The following LRMDA variants were observed in gnomAD, a reference collection of about 807,000 sequenced individuals.
The protein encoded by LRMDA is leucine rich melanocyte differentiation associated, also known as leucine-rich melanocyte differentiation-associated protein.
A neutral mutation model predicts 29.8 loss-of-function variants in LRMDA; 18 were observed. The observed-to-expected ratio is 0.60, with a 90% CI of 0.42 to 0.90. The LOEUF is 0.90. Ranked by LOEUF, LRMDA falls within the 40% of genes least tolerant of loss-of-function variation. LRMDA has a pLI of 0.00. For synonymous variants in LRMDA, 125 were observed against 109.4 expected (o/e 1.14, Z -0.89); for missense variants, 273 against 273.9 (o/e 1.00, Z 0.02).
At chr10:75,652,469 A>T (rs1316096426) in intron 2 of LRMDA, among the ~76,000 whole-genome samples, 1 of 152,250 alleles carries the variant, frequency 6.6e-6, no homozygotes, top group Admixed American at 6.5e-5. Flanking sequence ...TGACTATATC[A>T]CAGTGCTTTG....
At chr10:76,400,952 A>G (rs1015495407) in intron 6 of LRMDA, among the ~76,000 whole-genome samples, 4 of 152,186 alleles carry the variant, frequency 2.6e-5, no homozygotes, top group Non-Finnish European at 2.9e-5. Context: ...TTATATGCTT[A>G]CCTGTTGAGC....
At chr10:75,967,922 TC>T (rs920463712) in intron 2 of LRMDA, among the ~76,000 whole-genome samples, 2 of 152,142 alleles carry the variant, frequency 1.3e-5, no homozygotes, top group African/African-American at 4.8e-5. Flanking sequence ...CTGTAATGTG[TC>T]CCGTTCCATT....
At chr10:75,518,633 G>T (rs1243961871) in intron 2 of LRMDA, among the ~76,000 whole-genome samples, 1 of 151,826 alleles carries the variant, frequency 6.6e-6, no homozygotes, top group African/African-American at 2.4e-5. Flanking sequence ...CAATTTTGTT[G>T]ATCTTTTCAA....
At chr10:75,613,209 C>T (rs546253022) in intron 2 of LRMDA, among the ~76,000 whole-genome samples, 2 of 152,144 alleles carry the variant, frequency 1.3e-5, no homozygotes, top group East Asian at 1.9e-4. Context: ...CAATCCCCCC[C>T]ACTTCCTCCT....
chr10:76,456,425 G>T (rs1395624478), intron 6 of LRMDA, among the ~76,000 whole-genome samples: 1 of 152,152 alleles, frequency 6.6e-6, no homozygotes, highest in Admixed American at 6.5e-5. Flanking sequence ...AAAAGCAATT[G>T]CAGAGGACCA....
intron 4 of LRMDA, among the ~76,000 whole-genome samples, chr10:76,049,008 T>A (rs1848488111): frequency 6.6e-6 from 1 of 152,162 alleles, no homozygotes; most frequent in Admixed American, 6.5e-5. Context: ...TCTTTGGCCA[T>A]CTCAGATGCC....
At chr10:76,532,265 G>C (rs1169754534) in intron 6 of LRMDA, among the ~76,000 whole-genome samples, 2 of 152,124 alleles carry the variant, frequency 1.3e-5, no homozygotes, top group Non-Finnish European at 2.9e-5. Flanking sequence ...TTATGAGTGA[G>C]AACATGCACA....
intron 5 of LRMDA, among the ~76,000 whole-genome samples, chr10:76,125,022 A>G (rs566934681): frequency 5.9e-5 from 9 of 152,254 alleles, no homozygotes; most frequent in Non-Finnish European, 1.2e-4. Flanking sequence ...TTTCCAGGAA[A>G]TATCTTTTAA....
chr10:76,539,374 G>T (rs556032349), intron 6 of LRMDA, among the ~76,000 whole-genome samples: 1 of 152,296 alleles, frequency 6.6e-6, no homozygotes, highest in African/African-American at 2.4e-5. Context: ...CATTAGGAAA[G>T]AAATAGCCCC....
chr10:75,959,345 TGAGAA>T (rs1479125025), intron 2 of LRMDA, among the ~76,000 whole-genome samples: 1 of 152,092 alleles, frequency 6.6e-6, no homozygotes, highest in Admixed American at 6.5e-5. Flanking sequence ...CCTTCTTGTG[TGAGAA>T]GCTAGGGATG....
chr10:76,221,655 G>A (rs1851840878), intron 5 of LRMDA, among the ~76,000 whole-genome samples: 1 of 152,190 alleles, frequency 6.6e-6, no homozygotes, highest in African/African-American at 2.4e-5. Flanking sequence ...CATGCTCATG[G>A]GTAGGAAGAA....
At chr10:75,808,992 G>T (rs2132269358) in intron 2 of LRMDA, among the ~76,000 whole-genome samples, 1 of 152,286 alleles carries the variant, frequency 6.6e-6, no homozygotes, top group East Asian at 1.9e-4. Context: ...TCCCATCCCA[G>T]CCTCACATTT....
intron 2 of LRMDA, among the ~76,000 whole-genome samples, chr10:75,939,662 G>A (rs984663364): frequency 3.3e-5 from 5 of 152,106 alleles, no homozygotes; most frequent in East Asian, 1.9e-4. Flanking sequence ...CTAGGAGTTC[G>A]CAGCTTTTCT....
At chr10:75,751,725 T>C (rs1589187658) in intron 2 of LRMDA, among the ~76,000 whole-genome samples, 1 of 151,832 alleles carries the variant, frequency 6.6e-6, no homozygotes, top group East Asian at 1.9e-4. Flanking sequence ...CATTTACTCT[T>C]AGGACATCCC....
At chr10:76,168,247 T>C (rs2132188619) in intron 5 of LRMDA, among the ~76,000 whole-genome samples, 1 of 152,328 alleles carries the variant, frequency 6.6e-6, no homozygotes, top group Non-Finnish European at 1.5e-5. Context: ...ATCTATTTCC[T>C]GAAACACTTC....
chr10:75,806,686 G>A (rs561331341), intron 2 of LRMDA, among the ~76,000 whole-genome samples: 13 of 145,978 alleles, frequency 8.9e-5, no homozygotes, highest in African/African-American at 3.1e-4. Flanking sequence ...TAGAAATCCC[G>A]AGTACCCCTT....
At chr10:75,531,463 G>C (rs2132043182) in intron 2 of LRMDA, among the ~76,000 whole-genome samples, 1 of 152,314 alleles carries the variant, frequency 6.6e-6, no homozygotes, top group African/African-American at 2.4e-5. Context: ...GGTCTCAACA[G>C]CCAGACCCTC....
intron 2 of LRMDA, among the ~76,000 whole-genome samples, chr10:75,768,985 A>G (rs1345413171): frequency 6.6e-6 from 1 of 152,332 alleles, no homozygotes; most frequent in Non-Finnish European, 1.5e-5. Flanking sequence ...TTGAAAGAGC[A>G]CTTACTCCAA....
intron 6 of LRMDA, among the ~76,000 whole-genome samples, chr10:76,409,130 C>T (rs999426008): frequency 6.6e-6 from 1 of 152,186 alleles, no homozygotes; most frequent in Non-Finnish European, 1.5e-5. Flanking sequence ...AACATTCATT[C>T]ATTCATTCTG....
Sources: gnomAD v4.1 joint callset for allele counts (sites outside exome capture counted in the v4.1 genomes callset) on GRCh38, gnomAD v4.1.1 for gene constraint, MANE v1.5 for transcripts, NCBI Gene and HGNC (gene_info 2026-07-23, HGNC 2026-07-21) for gene names.